CPSF3: variants seen among roughly 807,000 people sequenced by gnomAD.
CPSF3 encodes cleavage and polyadenylation specific factor 3.
Under a neutral mutation model 84.1 loss-of-function variants are expected in CPSF3, and 57 were observed. That is an observed-to-expected ratio of 0.68 (90% CI 0.55 to 0.85). CPSF3 has a LOEUF of 0.85. CPSF3 is among the 40% of genes least tolerant of loss of function. The pLI is 0.00. For missense variants in CPSF3, 522 were observed against 838.8 expected (o/e 0.62, Z 4.66); for synonymous variants, 275 against 278.1 (o/e 0.99, Z 0.11).
intron 6 of CPSF3, among the ~76,000 whole-genome samples, chr2:9,435,427 T>TC (rs1162923418): frequency 1.3e-5 from 2 of 151,872 alleles, no homozygotes; most frequent in African/African-American, 2.4e-5. Flanking sequence ...ATTCTAGCAT[T>TC]CTTTTTTTTT....
intron 12 of CPSF3, among the ~76,000 whole-genome samples, chr2:9,454,652 C>T (rs1333896192): frequency 6.7e-6 from 1 of 148,246 alleles, no homozygotes; most frequent in African/African-American, 2.5e-5. Context: ...TCATGCCATT[C>T]TCCTGCCTCA....
intron 15 of CPSF3, among the ~76,000 whole-genome samples, chr2:9,463,170 T>C (rs944732400): frequency 5.9e-5 from 9 of 152,194 alleles, no homozygotes; most frequent in African/African-American, 2.2e-4. Context: ...CATAGGGTCT[T>C]GTTGGCTATT....
At chr2:9,453,693 C>G (rs1173738171) in intron 12 of CPSF3, among the ~76,000 whole-genome samples, 1 of 152,018 alleles carries the variant, frequency 6.6e-6, no homozygotes, top group African/African-American at 2.4e-5. Flanking sequence ...GAGATCGAGA[C>G]CATCCTGACC....
chr2:9,439,311 A>C (rs1254932502), intron 7 of CPSF3, among the ~76,000 whole-genome samples: 1 of 152,120 alleles, frequency 6.6e-6, no homozygotes, highest in Non-Finnish European at 1.5e-5. Flanking sequence ...GTCTGTACTA[A>C]AAATACAAAA....
intron 12 of CPSF3, among the ~76,000 whole-genome samples, chr2:9,454,761 G>T (rs1166717993): frequency 1.3e-5 from 2 of 151,880 alleles, no homozygotes; most frequent in African/African-American, 4.8e-5. Flanking sequence ...AGCCAGGATG[G>T]TCTCGATCTC....
At chr2:9,439,614 T>C (rs1358945197) in intron 7 of CPSF3, among the ~76,000 whole-genome samples, 4 of 152,208 alleles carry the variant, frequency 2.6e-5, no homozygotes, top group African/African-American at 4.8e-5. Flanking sequence ...TAATGAGGGC[T>C]TTTCCCTTAA....
chr2:9,435,775 C>T (rs1336039597), intron 6 of CPSF3, among the ~76,000 whole-genome samples: 1 of 149,576 alleles, frequency 6.7e-6, no homozygotes, highest in Non-Finnish European at 1.5e-5. Flanking sequence ...CTCTGTCGCC[C>T]AGGCTGGAGT....
chr2:9,440,240 A>T (rs1680925457), intron 7 of CPSF3, among the ~76,000 whole-genome samples: 1 of 152,210 alleles, frequency 6.6e-6, no homozygotes, highest in Admixed American at 6.5e-5. Flanking sequence ...CATGTTTAAA[A>T]GCCTCCACAT....
At chr2:9,455,135 CTT>C (rs5829212) in intron 12 of CPSF3, among the ~76,000 whole-genome samples, 20 of 135,510 alleles carry the variant, frequency 1.5e-4, no homozygotes, top group South Asian at 4.8e-4. Flanking sequence ...ACATGAGGTG[CTT>C]TTTTTTTTTT....
At chr2:9,467,957 C>T (rs1392839091) in intron 16 of CPSF3, 181 bp downstream of exon 16, 1 of 550,504 alleles carries the variant, frequency 1.8e-6, no homozygotes, top group Non-Finnish European at 3.2e-6. Context: ...CAGCTCTGCA[C>T]TCACCTGTGA....
At chr2:9,449,241 T>C (rs1474907440) in intron 11 of CPSF3, among the ~76,000 whole-genome samples, 1 of 151,782 alleles carries the variant, frequency 6.6e-6, no homozygotes. Flanking sequence ...AATAAAAAAA[T>C]TAGCTGGGTG....
chr2:9,453,126 T>G, intron 12 of CPSF3, 105 bp downstream of exon 12: 1 of 655,832 alleles, frequency 1.5e-6, no homozygotes, highest in Non-Finnish European at 2.4e-6. Context: ...AATAGACAAA[T>G]AATAAAAAAG....
chr2:9,466,309 C>T (rs1681942710), intron 15 of CPSF3, among the ~76,000 whole-genome samples: 1 of 110,968 alleles, frequency 9.0e-6, no homozygotes, highest in African/African-American at 2.9e-5. Context: ...TGCACACGCA[C>T]ACTGACGCAC....
At chr2:9,440,906 C>T (rs58719680) in intron 8 of CPSF3, among the ~76,000 whole-genome samples, 242 of 152,312 alleles carry the variant, frequency 1.6e-3, no homozygotes, top group African/African-American at 5.6e-3. Flanking sequence ...GGCTGAATTC[C>T]TCTTGCTGGA....
chr2:9,424,647 C>CCT (rs1680289400), intron 1 of CPSF3: 1 of 152,236 alleles, frequency 6.6e-6, no homozygotes, highest in Non-Finnish European at 1.5e-5. Context: ...CTGCTTGGGA[C>CCT]ATAGTCCGTT....
intron 11 of CPSF3, 113 bp downstream of exon 11, chr2:9,448,463 G>A (rs1681198064): frequency 2.3e-6 from 2 of 870,798 alleles, no homozygotes; most frequent in South Asian, 5.0e-5. Flanking sequence ...CTGTCTACTT[G>A]TTACACTACA....
intron 11 of CPSF3, among the ~76,000 whole-genome samples, chr2:9,448,608 G>A (rs1006383598): frequency 7.2e-5 from 11 of 152,312 alleles, no homozygotes; most frequent in African/African-American, 2.4e-4. Context: ...CCAGGCTGGA[G>A]TGCAATGGTG....
chr2:9,432,760 A>T lies in CPSF3; in HGVS notation c.519+72A>T, dbSNP rs778274437. The T allele has an allele frequency of 4.2e-4, 475 of 1,137,708 alleles. 2 individuals carry two copies. The highest frequency in any genetic ancestry group is 9.5e-4 in the South Asian group (29 of 30,430). The allele number at this position is 1,137,708 out of a possible 1,614,324, so 70.5% of individuals were successfully genotyped here. ...AGCTTTGTGCCACCAAGTACTATTA[A>T]AAAAAAAAATTCCCTAAGACTTGCA... is the stretch of plus-strand genomic sequence containing the variant. On this transcript the variant is annotated intron_variant, in intron 5 of 17. Coordinates refer to ENST00000238112, the MANE Select transcript of CPSF3 (RefSeq NM_016207.4).
At chr2:9,466,274 G>GCA (rs58985899) in intron 15 of CPSF3, among the ~76,000 whole-genome samples, 11,194 of 52,672 alleles carry the variant, frequency 0.21, 1,308 homozygotes, top group African/African-American at 0.42. Flanking sequence ...AAAGACGCAC[G>GCA]CACACACGTG....
Sources: allele counts gnomAD v4.1 joint callset (sites outside exome capture counted in the v4.1 genomes callset), GRCh38; gene constraint gnomAD v4.1.1; transcripts MANE v1.5; gene names NCBI Gene and HGNC (gene_info 2026-07-23, HGNC 2026-07-21).